UBXN7: variants seen among roughly 807,000 people sequenced by gnomAD.
UBXN7 encodes the protein UBX domain protein 7.
UBXN7 carries 9 observed loss-of-function variants against 58.0 expected under a neutral mutation model. That is an observed-to-expected ratio of 0.16 (90% CI 0.09 to 0.27). UBXN7 has a LOEUF of 0.27. Ranked by LOEUF, UBXN7 falls within the 10% of genes least tolerant of loss-of-function variation. UBXN7 has a pLI of 1.00. For synonymous variants in UBXN7, 208 were observed against 205.0 expected (o/e 1.01, Z -0.12); for missense variants, 328 against 599.6 (o/e 0.55, Z 4.73).
intron 1 of UBXN7, among the ~76,000 whole-genome samples, chr3:196,412,594 A>T (rs1730366861): frequency 6.6e-6 from 1 of 152,194 alleles, no homozygotes; most frequent in Admixed American, 6.5e-5. Flanking sequence ...AGAGAACTGA[A>T]AGCAGGGTCT....
chr3:196,359,313 C>T (rs1379503606), intron 10 of UBXN7, among the ~76,000 whole-genome samples: 1 of 152,146 alleles, frequency 6.6e-6, no homozygotes, highest in Non-Finnish European at 1.5e-5. Flanking sequence ...GACTGCTCCA[C>T]CTAATGGGAG....
intron 1 of UBXN7, among the ~76,000 whole-genome samples, chr3:196,416,436 T>TA (rs915744884): frequency 3.7e-4 from 54 of 144,854 alleles, no homozygotes; most frequent in South Asian, 6.6e-4. Context: ...GTCTCAAAAA[T>TA]AAAAAAAAAA....
At chr3:196,417,911 A>T (rs949354862) in intron 1 of UBXN7, among the ~76,000 whole-genome samples, 18 of 151,590 alleles carry the variant, frequency 1.2e-4, no homozygotes, top group African/African-American at 4.4e-4. Flanking sequence ...ACAGAGCAAA[A>T]TCCTGTCTCT....
At chr3:196,426,809 T>C (rs1251157535) in intron 1 of UBXN7, among the ~76,000 whole-genome samples, 2 of 150,876 alleles carry the variant, frequency 1.3e-5, no homozygotes, top group Admixed American at 6.6e-5. Context: ...GATCGTACCT[T>C]TGCACTCCAG....
intron 8 of UBXN7, among the ~76,000 whole-genome samples, chr3:196,365,552 G>T (rs1560219781): frequency 6.6e-6 from 1 of 152,092 alleles, no homozygotes; most frequent in Admixed American, 6.6e-5. Flanking sequence ...ATAGGCACAT[G>T]CCACACCCCA....
At position 196,368,163 on chromosome 3, in the gene UBXN7, T is replaced by A; in HGVS notation, c.707-8A>T. ...ATTCTACTAGCTTCTGACCTAAGGA[T>A]TAAAAACCAAGATCTATAAATAAAT... On this transcript the variant is annotated splice_polypyrimidine_tract_variant and splice_region_variant and intron_variant, in intron 7 of 10. Coordinates refer to ENST00000296328, the MANE Select transcript of UBXN7 (RefSeq NM_015562.2). The A allele has an allele frequency of 6.2e-7, 1 of 1,604,692 alleles. No homozygotes were observed.
intron 5 of UBXN7, among the ~76,000 whole-genome samples, chr3:196,382,875 G>T (rs1207029451): frequency 1.3e-5 from 2 of 152,162 alleles, no homozygotes; most frequent in Non-Finnish European, 2.9e-5. Context: ...CAGCACTTTG[G>T]GAGGCCAAGG....
At chr3:196,394,944 T>G (rs944891199) in intron 3 of UBXN7, among the ~76,000 whole-genome samples, 3 of 152,220 alleles carry the variant, frequency 2.0e-5, no homozygotes, top group African/African-American at 4.8e-5. Flanking sequence ...TACCCAGTCT[T>G]TAAGTATTTT....
chr3:196,375,944 G>A (rs1729005366), intron 5 of UBXN7, among the ~76,000 whole-genome samples: 1 of 152,218 alleles, frequency 6.6e-6, no homozygotes, highest in Non-Finnish European at 1.5e-5. Flanking sequence ...TACAAGTATT[G>A]CTTGAATCTG....
chr3:196,386,330 C>A (rs955427404), intron 5 of UBXN7, among the ~76,000 whole-genome samples: 7 of 149,066 alleles, frequency 4.7e-5, no homozygotes, highest in African/African-American at 1.7e-4. Context: ...GTCCTATGAC[C>A]CTGCCACATC....
chr3:196,372,327 C>CTCTCTCTCTCTCTCTCT, intron 5 of UBXN7, among the ~76,000 whole-genome samples: 1 of 90,282 alleles, frequency 1.1e-5, no homozygotes, highest in Non-Finnish European at 2.5e-5. Flanking sequence ...TCTCTCTCTC[C>CTCTCTCTCTCTCTCTCT]TTTCTTTCTT....
intron 1 of UBXN7, among the ~76,000 whole-genome samples, chr3:196,412,739 G>A (rs1228582225): frequency 6.6e-6 from 1 of 152,160 alleles, no homozygotes; most frequent in Non-Finnish European, 1.5e-5. Flanking sequence ...ATCTCATGGA[G>A]CCTTGAAAAA....
intron 5 of UBXN7, among the ~76,000 whole-genome samples, chr3:196,374,754 C>T (rs1485500999): frequency 6.8e-6 from 1 of 148,078 alleles, no homozygotes; most frequent in Admixed American, 6.8e-5. Context: ...GTGGTGGGCA[C>T]CTGTAATCCC....
At chr3:196,360,440 G>C (rs1728476957) in intron 10 of UBXN7, among the ~76,000 whole-genome samples, 1 of 152,050 alleles carries the variant, frequency 6.6e-6, no homozygotes, top group Non-Finnish European at 1.5e-5. Flanking sequence ...AAAATCCCAG[G>C]TCCCTTAAAA....
At chr3:196,387,969 T>C (rs1577453295) in intron 5 of UBXN7, among the ~76,000 whole-genome samples, 1 of 152,136 alleles carries the variant, frequency 6.6e-6, no homozygotes, top group African/African-American at 2.4e-5. Flanking sequence ...TTATAAATCA[T>C]GCTGCTATAA....
intron 10 of UBXN7, among the ~76,000 whole-genome samples, chr3:196,357,830 C>T (rs989622042): frequency 6.6e-6 from 1 of 151,724 alleles, no homozygotes; most frequent in African/African-American, 2.4e-5. Flanking sequence ...CGCACTCCAG[C>T]CTGGGTAACA....
intron 5 of UBXN7, among the ~76,000 whole-genome samples, chr3:196,381,751 A>C (rs1032285303): frequency 6.6e-6 from 1 of 152,254 alleles, no homozygotes; most frequent in Non-Finnish European, 1.5e-5. Context: ...AAAAAAGATT[A>C]GATGAATTGC....
At chr3:196,357,765 C>A (rs1170283853) in intron 10 of UBXN7, among the ~76,000 whole-genome samples, 35 of 152,174 alleles carry the variant, frequency 2.3e-4, no homozygotes, top group Non-Finnish European at 8.8e-5. Context: ...GAGGCTGAGG[C>A]AGAATTGCTT....
chr3:196,420,281 C>T (rs1213382823), intron 1 of UBXN7, among the ~76,000 whole-genome samples: 2 of 151,782 alleles, frequency 1.3e-5, no homozygotes, highest in Non-Finnish European at 2.9e-5. Flanking sequence ...ATCTGTAATC[C>T]CAGCACTTTG....
Sources: gnomAD v4.1 joint callset for allele counts (sites outside exome capture counted in the v4.1 genomes callset) on GRCh38, gnomAD v4.1.1 for gene constraint, MANE v1.5 for transcripts, NCBI Gene and HGNC (gene_info 2026-07-23, HGNC 2026-07-21) for gene names.